KCNC2: variants seen among roughly 807,000 people sequenced by gnomAD.
The protein encoded by KCNC2 is voltage-gated potassium channel KCNC2.
Under a neutral mutation model 44.5 loss-of-function variants are expected in KCNC2, and 21 were observed. That is an observed-to-expected ratio of 0.47 (90% confidence interval 0.33 to 0.68). The LOEUF (loss-of-function observed/expected upper bound fraction) is 0.68. Among genes scored for constraint, KCNC2 ranks in the 30% least tolerant of loss-of-function variants. The pLI, the probability that KCNC2 is intolerant of heterozygous loss-of-function variation, is 0.01. For synonymous variants in KCNC2, 391 were observed against 339.1 expected (o/e 1.15, Z -1.68); for missense variants, 589 against 826.2 (o/e 0.71, Z 3.52).
rs115326607 is a variant in KCNC2, at chr12:75,149,336, T to A, written c.687+57961A>T. Among the ~76,000 whole-genome samples, 1,256 of 151,978 alleles carry A rather than the reference T, an allele frequency of 8.3e-3. 16 individuals carry two copies. Among genetic ancestry groups the A allele is most frequent in the African/African-American group, 0.028 (1,177 of 41,524 alleles). ...GTGTCCACAAATTTCCATTCATGAA[T>A]CAAGACTGCATATTAGCCATCTCAT... On this transcript the variant is annotated intron_variant, in intron 2 of 4. Coordinates refer to ENST00000549446, the MANE Select transcript of KCNC2 (RefSeq NM_139137.4).
At chr12:75,165,809 T>G (rs150236850) in intron 2 of KCNC2, among the ~76,000 whole-genome samples, 1 of 151,524 alleles carries the variant, frequency 6.6e-6, no homozygotes, top group Non-Finnish European at 1.5e-5. Flanking sequence ...TATAACAACA[T>G]ACTAATATTT....
chr12:75,202,508 A>G (rs2031366461), intron 2 of KCNC2, among the ~76,000 whole-genome samples: 1 of 151,814 alleles, frequency 6.6e-6, no homozygotes. Context: ...TCTTTTGAGG[A>G]ATATGAAGTT....
chr12:75,160,470 C>A (rs1891049179), intron 2 of KCNC2, among the ~76,000 whole-genome samples: 1 of 151,968 alleles, frequency 6.6e-6, no homozygotes, highest in South Asian at 2.1e-4. Flanking sequence ...CCCAAAATCA[C>A]ACAGCCAGTA....
intron 2 of KCNC2, among the ~76,000 whole-genome samples, chr12:75,201,087 G>A (rs903519109): frequency 2.0e-5 from 3 of 151,108 alleles, no homozygotes; most frequent in African/African-American, 7.3e-5. Flanking sequence ...CATCTTCATG[G>A]GTTTCATGAC....
At chr12:75,132,407 T>C (rs1289531377) in intron 2 of KCNC2, among the ~76,000 whole-genome samples, 1 of 152,138 alleles carries the variant, frequency 6.6e-6, no homozygotes, top group Non-Finnish European at 1.5e-5. Flanking sequence ...AGAGCAAGCA[T>C]AATATAGTGT....
Position 75,109,287 on chromosome 12 carries a change from T to C in KCNC2, c.688-57970A>G, listed in dbSNP as rs1887035930. 2.0e-5 allele frequency among the ~76,000 whole-genome samples: 3 copies of C among 152,192 alleles called. No homozygotes were observed. In the South Asian group the frequency reaches 6.2e-4, roughly 32 times the overall value. On this transcript the variant is annotated intron_variant, in intron 2 of 4. Coordinates refer to ENST00000549446, the MANE Select transcript of KCNC2 (RefSeq NM_139137.4). ...AACTTAAACTTTAATGCCCCCATCATCCTTTCTCTGTGTCTGTTTTAAGAC... is the reference window on the plus strand; with the variant it reads ...AACTTAAACTTTAATGCCCCCATCACCCTTTCTCTGTGTCTGTTTTAAGAC...
intron 2 of KCNC2, among the ~76,000 whole-genome samples, chr12:75,135,782 T>C (rs1889183469): frequency 6.6e-6 from 1 of 152,044 alleles, no homozygotes; most frequent in South Asian, 2.1e-4. Flanking sequence ...CTAACTTAGA[T>C]ATTTATAATA....
At chr12:75,124,025 A>G (rs1888224422) in intron 2 of KCNC2, 1 of 152,200 alleles carries the variant, frequency 6.6e-6, no homozygotes, top group Non-Finnish European at 1.5e-5. Flanking sequence ...TTCTTAAAAA[A>G]GGTCAAAGCG....
intron 2 of KCNC2, among the ~76,000 whole-genome samples, chr12:75,074,933 T>C (rs1592812028): frequency 6.6e-6 from 1 of 152,060 alleles, no homozygotes; most frequent in African/African-American, 2.4e-5. Flanking sequence ...CTTACTTGAA[T>C]CAAACTTCAG....
intron 2 of KCNC2, among the ~76,000 whole-genome samples, chr12:75,177,918 AAGT>A (rs1187610885): frequency 2.0e-5 from 3 of 151,994 alleles, no homozygotes; most frequent in East Asian, 3.9e-4. Context: ...AAAAGAAGAA[AAGT>A]GGAAAATAAT....
chr12:75,172,519 G>T (rs887838910), intron 2 of KCNC2, among the ~76,000 whole-genome samples: 1 of 151,232 alleles, frequency 6.6e-6, no homozygotes, highest in East Asian at 2.0e-4. Flanking sequence ...ATCCACCTTT[G>T]CCCTGTACTT....
rs771663289 is a variant in KCNC2, at chr12:75,207,792, C to A, written c.192G>T (p.Pro64=). The A allele has an allele frequency of 3.1e-6, 5 of 1,593,498 alleles. No individual in the cohort carries two copies. Among genetic ancestry groups the A allele is most frequent in the Non-Finnish European group, 4.3e-6 (5 of 1,171,786 alleles). The change falls in exon 2 of 5, where the codon CCG becomes CCT. Residue 64 remains proline, a synonymous_variant. Coordinates refer to ENST00000549446, the MANE Select transcript of KCNC2 (RefSeq NM_139137.4). The surrounding 1 kb of genome is among the most constrained non-coding windows in gnomAD (Gnocchi z 4.1). The part of the protein sequence containing the change: ...LQPSPPPLSP[P]PRAPPLSPGP... ...CGGGGGACAGCGGGGGCGCTCTCGGCGGCGGCGACAGTGGAGGCGGCGACG... is the reference window on the plus strand; with the variant it reads ...CGGGGGACAGCGGGGGCGCTCTCGGAGGCGGCGACAGTGGAGGCGGCGACG...
At chr12:75,197,692 C>CT (rs1203984996) in intron 2 of KCNC2, among the ~76,000 whole-genome samples, 2 of 151,850 alleles carry the variant, frequency 1.3e-5, no homozygotes, top group Non-Finnish European at 2.9e-5. Flanking sequence ...AACTCTGATG[C>CT]TTTTTTTCTT....
intron 2 of KCNC2, among the ~76,000 whole-genome samples, chr12:75,190,802 A>T (rs892933625): frequency 1.3e-5 from 2 of 152,144 alleles, no homozygotes; most frequent in African/African-American, 4.8e-5. Flanking sequence ...TTAAACAGGT[A>T]TAAATATGAC....
chr12:75,158,955 G>C (rs1035238452), intron 2 of KCNC2, among the ~76,000 whole-genome samples: 4 of 151,954 alleles, frequency 2.6e-5, no homozygotes, highest in Non-Finnish European at 5.9e-5. Flanking sequence ...GGAAGTGTGG[G>C]GTAAATATAA....
intron 1 of KCNC2, among the ~76,000 whole-genome samples, chr12:75,208,729 A>G (rs914730953): frequency 5.9e-5 from 9 of 151,858 alleles, no homozygotes; most frequent in African/African-American, 2.2e-4. Context: ...AAGACAACAC[A>G]GAAGTCAGAG....
At chr12:75,138,979 T>TAAAAAAAAAAAAAAAAAAAA (rs373729570) in intron 2 of KCNC2, among the ~76,000 whole-genome samples, 39 of 77,922 alleles carry the variant, frequency 5.0e-4, no homozygotes, top group African/African-American at 2.0e-3. Context: ...AGACTCCGTG[T>TAAAAAAAAAAAAAAAAAAAA]AAAAAAAAAA....
At chr12:75,096,175 G>A (rs1389200581) in intron 2 of KCNC2, among the ~76,000 whole-genome samples, 1 of 151,936 alleles carries the variant, frequency 6.6e-6, no homozygotes, top group Non-Finnish European at 1.5e-5. Context: ...ACTGCAAACA[G>A]CTCACCTCAA....
intron 2 of KCNC2, among the ~76,000 whole-genome samples, chr12:75,054,052 G>C (rs576120974): frequency 2.0e-5 from 3 of 151,060 alleles, no homozygotes; most frequent in Non-Finnish European, 4.4e-5. Flanking sequence ...GTGAAACCCC[G>C]TCTCTACTAA....
Sources: allele counts gnomAD v4.1 joint callset (sites outside exome capture counted in the v4.1 genomes callset), GRCh38; gene constraint gnomAD v4.1.1; non-coding constraint Gnocchi (gnomAD v3.1); transcripts MANE v1.5; gene names NCBI Gene and HGNC (gene_info 2026-07-23, HGNC 2026-07-21).